Variants in SERAC1 observed in about 807,000 individuals in gnomAD.
SERAC1 encodes protein SERAC1.
A neutral mutation model predicts 85.7 loss-of-function variants in SERAC1; 36 were observed. The observed-to-expected ratio is 0.42, with a 90% CI of 0.32 to 0.55. The LOEUF is 0.55. Among genes scored for constraint, SERAC1 ranks in the 20% least tolerant of loss-of-function variants. The probability of loss-of-function intolerance (pLI) is 0.11; values close to 1 mark genes in which losing one functional copy is unlikely to be tolerated. For synonymous variants in SERAC1, 242 were observed against 265.3 expected (o/e 0.91, Z 0.85); for missense variants, 629 against 796.2 (o/e 0.79, Z 2.53).
At chr6:158,159,337 C>G (rs906706783) in intron 1 of SERAC1, 1 of 151,826 alleles carries the variant, frequency 6.6e-6, no homozygotes, top group Non-Finnish European at 1.5e-5. Flanking sequence ...AACCCTGACT[C>G]TACCAAAAAG....
intron 5 of SERAC1, among the ~76,000 whole-genome samples, 189 bp from the exon 6 acceptor site, chr6:158,147,102 T>C (rs1785079752): frequency 6.6e-6 from 1 of 152,188 alleles, no homozygotes; most frequent in African/African-American, 2.4e-5. Context: ...TTATTATGAA[T>C]ACTGTGTGTG....
chr6:158,113,057 T>G (rs914204134), intron 16 of SERAC1: 57 of 227,970 alleles, frequency 2.5e-4, no homozygotes, highest in Non-Finnish European at 4.1e-4. Flanking sequence ...GATCTTCTAT[T>G]TACGAAAGCT....
chr6:158,146,995 C>G, intron 5 of SERAC1, 82 bp from the exon 6 acceptor site: 2 of 1,410,562 alleles, frequency 1.4e-6, no homozygotes, highest in South Asian at 1.2e-5. Flanking sequence ...AATTTATAAA[C>G]ACTGAAATCT....
chr6:158,143,228 T>C, intron 7 of SERAC1, 44 bp from the exon 8 acceptor site: 1 of 1,591,162 alleles, frequency 6.3e-7, no homozygotes, highest in East Asian at 2.2e-5. Context: ...ACTCAACAAC[T>C]GAGTACAACA....
At chr6:158,159,885 C>T (rs980711352) in intron 1 of SERAC1, among the ~76,000 whole-genome samples, 1 of 152,136 alleles carries the variant, frequency 6.6e-6, no homozygotes, top group Non-Finnish European at 1.5e-5. Context: ...CTCGGCCTCC[C>T]GAAGTGCTGG....
At chr6:158,131,598 G>A (rs553723441) in intron 8 of SERAC1, among the ~76,000 whole-genome samples, 3 of 151,778 alleles carry the variant, frequency 2.0e-5, no homozygotes, top group East Asian at 3.9e-4. Context: ...GTCATCCATC[G>A]AACAGACGAG....
In SERAC1 at chr6:158,115,148, T is replaced by TAATA. The variant is rs1784254947; in HGVS notation, c.1502-181_1502-178dup. Among the ~76,000 whole-genome samples, 7 of 152,342 alleles carry TAATA rather than the reference T, an allele frequency of 4.6e-5. No individual in the cohort carries two copies. In the South Asian group the frequency reaches 1.4e-3, roughly 32 times the overall value. On this transcript the variant is annotated intron_variant, in intron 14 of 16. Coordinates refer to ENST00000647468, the MANE Select transcript of SERAC1 (RefSeq NM_032861.4). ...AGAAATAAGGCCTTAAAACACTTAA[T>TAATA]AATACTCCTGATCCTTATAGTGCAA...
Position 158,117,860 on chromosome 6 carries a change from C to A in SERAC1, c.1309-39G>T, listed in dbSNP as rs1379183663. 6.6e-7 allele frequency: 1 copy of A among 1,504,730 alleles called. No individual in the cohort carries two copies. Among genetic ancestry groups the A allele is most frequent in the Non-Finnish European group, 9.2e-7 (1 of 1,084,290 alleles). The allele number at this position is 1,504,730 out of a possible 1,614,324, so 93.2% of individuals were successfully genotyped here. On this transcript the variant is annotated intron_variant, in intron 12 of 16. Coordinates refer to ENST00000647468, the MANE Select transcript of SERAC1 (RefSeq NM_032861.4). The surrounding 1 kb of genome is among the most constrained non-coding windows in gnomAD (Gnocchi z 4.3). ...AACATATGTGAGAACAAGTATGAATCTTCACCACTGCAATTACTGCCTAGT... is the reference window on the plus strand; with the variant it reads ...AACATATGTGAGAACAAGTATGAATATTCACCACTGCAATTACTGCCTAGT...
At position 158,117,662 on chromosome 6, in the gene SERAC1, A is replaced by T. The variant is rs1459570199; in HGVS notation, c.1403+65T>A. 6.2e-7 allele frequency: 1 copy of T among 1,611,230 alleles called. No individual in the cohort carries two copies. The highest frequency in any genetic ancestry group is 2.2e-5 in the East Asian group (1 of 44,874). Reference sequence around the variant, plus strand: ...AAAAAATTAAAATCACTTCCCATCCAAGAGGACCTAAACTTGCGGCCTGAA... The same window carrying T: ...AAAAAATTAAAATCACTTCCCATCCTAGAGGACCTAAACTTGCGGCCTGAA... On this transcript the variant is annotated intron_variant, in intron 13 of 16. Transcript: ENST00000647468. The surrounding 1 kb of genome is among the most constrained non-coding windows in gnomAD (Gnocchi z 4.3).
At position 158,155,304 on chromosome 6, in the gene SERAC1, TGAC is replaced by T. The variant is rs1306011038; in HGVS notation, c.128+8_128+10del. The stretch of plus-strand genomic sequence containing the variant: ...ATGAAGCCAATTAATATTCCACAGT[TGAC>T]GACTTACCCTAAAATAAGTGATCCA... On this transcript the variant is annotated splice_region_variant and intron_variant, in intron 3 of 16. Coordinates refer to ENST00000647468, the MANE Select transcript of SERAC1 (RefSeq NM_032861.4). The T allele has an allele frequency of 3.9e-6, 6 of 1,536,880 alleles. No homozygotes were observed. The highest frequency in any genetic ancestry group is 5.4e-6 in the Non-Finnish European group (6 of 1,111,486).
chr6:158,154,595 A>G, intron 3 of SERAC1, among the ~76,000 whole-genome samples: 1 of 152,180 alleles, frequency 6.6e-6, no homozygotes, highest in East Asian at 1.9e-4. Context: ...AAAAAAAGTA[A>G]AAGAGTATGA....
chr6:158,145,559 TG>T (rs1227071518), intron 6 of SERAC1, among the ~76,000 whole-genome samples: 3 of 151,188 alleles, frequency 2.0e-5, no homozygotes, highest in Non-Finnish European at 4.4e-5. Context: ...TTTGCTCTGT[TG>T]TCCAGGCTGG....
chr6:158,163,215 A>C (rs1383242919), intron 1 of SERAC1, among the ~76,000 whole-genome samples: 1 of 152,238 alleles, frequency 6.6e-6, no homozygotes, highest in Non-Finnish European at 1.5e-5. Context: ...TGCAAGCAAT[A>C]ATAAATGTTT....
rs780248767 is a variant in SERAC1, at chr6:158,128,106, A to C, written c.1015+2T>G. On this transcript the variant is annotated splice_donor_variant, in intron 10 of 16. Coordinates refer to ENST00000647468, the MANE Select transcript of SERAC1 (RefSeq NM_032861.4). LOFTEE classifies it high-confidence loss of function. ...AAAATACTCAGTATATAAAGCTGTT[A>C]CCTGAGCGAACTATAGAAGAATGAA... is the stretch of plus-strand genomic sequence containing the variant. 2 of 1,613,464 alleles carry C rather than the reference A, an allele frequency of 1.2e-6. No homozygotes were observed. Among genetic ancestry groups the C allele is most frequent in the Non-Finnish European group, 1.7e-6 (2 of 1,179,580 alleles).
intron 8 of SERAC1, among the ~76,000 whole-genome samples, chr6:158,136,191 T>A (rs1451427024): frequency 6.6e-6 from 1 of 152,140 alleles, no homozygotes; most frequent in Non-Finnish European, 1.5e-5. Context: ...AAGAGAAAAA[T>A]TTTAATTAAC....
In SERAC1 at chr6:158,143,331, CTCTCTCTCTCTCTCTCTATATA is replaced by C. The variant is rs1188512788; in HGVS notation, c.610-169_610-148del. On this transcript the variant is annotated intron_variant, in intron 7 of 16. Transcript: ENST00000647468. ...TCTCTCTCTCTCTCTCTCTCTCTCTCTCTCTCTCTCTCTCTCTATATATATATATATATATATATATATACAC... is the reference window on the plus strand; with the variant it reads ...TCTCTCTCTCTCTCTCTCTCTCTCTCTATATATATATATATATATATACAC... 0.011 allele frequency: 2,135 copies of C among 199,750 alleles called. 13 individuals carry two copies. Among genetic ancestry groups the C allele is most frequent in the African/African-American group, 0.053 (754 of 14,314 alleles). The allele number at this position is 199,750 out of a possible 1,614,324, so 12.4% of individuals were successfully genotyped here.
intron 10 of SERAC1, among the ~76,000 whole-genome samples, chr6:158,126,843 G>C (rs1002757196): frequency 6.6e-6 from 1 of 152,154 alleles, no homozygotes; most frequent in South Asian, 2.1e-4. Flanking sequence ...TTGAGTCCAG[G>C]AGTTCGAGAC....
chr6:158,146,629 C>T, intron 6 of SERAC1, 153 bp downstream of exon 6: 1 of 836,166 alleles, frequency 1.2e-6, no homozygotes, highest in South Asian at 1.6e-5. Context: ...CAGGGTGGGT[C>T]TTGAACTCCT....
At chr6:158,115,023 T>C in intron 14 of SERAC1, 52 bp from the exon 15 acceptor site, 1 of 1,535,144 alleles carries the variant, frequency 6.5e-7, no homozygotes, top group Non-Finnish European at 8.7e-7. Flanking sequence ...TCCTTCCCTT[T>C]ATTACTGTAA....
Sources: allele counts gnomAD v4.1 joint callset (sites outside exome capture counted in the v4.1 genomes callset), GRCh38; gene constraint gnomAD v4.1.1; non-coding constraint Gnocchi (gnomAD v3.1); transcripts MANE v1.5; gene names NCBI Gene and HGNC (gene_info 2026-07-23, HGNC 2026-07-21).